The following TBC1D8 variants were observed in gnomAD, a reference collection of about 807,000 sequenced individuals.
The protein encoded by TBC1D8 is TBC1 domain family member 8, also known as BUB2-like protein 1.
Under a neutral mutation model 118.8 loss-of-function variants are expected in TBC1D8, and 65 were observed. The ratio of observed to expected loss-of-function variants is 0.55; its 90% confidence interval spans 0.45 to 0.67. TBC1D8 has a LOEUF of 0.67. Ranked by LOEUF, TBC1D8 falls within the 30% of genes least tolerant of loss-of-function variation. The pLI is 0.00. For synonymous variants in TBC1D8, 566 were observed against 595.8 expected (o/e 0.95, Z 0.73); for missense variants, 1,376 against 1,471.2 (o/e 0.94, Z 1.06).
chr2:101,095,396 C>T lies in TBC1D8; in HGVS notation c.128-5032G>A, dbSNP rs185772518. On this transcript the variant is annotated intron_variant, in intron 1 of 19. Coordinates refer to ENST00000409318, the MANE Select transcript of TBC1D8 (RefSeq NM_001330348.2). ...AGGTATATCTCCTAATGCTATCTCC[C>T]CCCCCCTCCCCCCACCCCACAACAG... Among the ~76,000 whole-genome samples, 1,318 of 135,778 alleles carry T rather than the reference C, an allele frequency of 9.7e-3. 30 individuals carry two copies. The highest frequency in any genetic ancestry group is 0.034 in the African/African-American group (1,246 of 36,844). The allele number at this position is 135,778 out of a possible 152,430, so 89.1% of individuals were successfully genotyped here.
chr2:101,095,843 CT>C (rs1676384076), intron 1 of TBC1D8, among the ~76,000 whole-genome samples: 1 of 152,112 alleles, frequency 6.6e-6, no homozygotes, highest in Non-Finnish European at 1.5e-5. Context: ...CTCCATCTAG[CT>C]TTCTTGTCTC....
At chr2:101,073,299 T>A (rs1043702066) in intron 2 of TBC1D8, among the ~76,000 whole-genome samples, 8 of 124,284 alleles carry the variant, frequency 6.4e-5, no homozygotes, top group African/African-American at 2.6e-4. Context: ...TTATTTTATT[T>A]ATTTTTTTTT....
chr2:101,032,573 C>T, intron 10 of TBC1D8, 188 bp from the exon 11 acceptor site: 1 of 536,100 alleles, frequency 1.9e-6, no homozygotes, highest in Non-Finnish European at 3.4e-6. Context: ...ACAGGACACG[C>T]CCAGCTGAGC....
At chr2:101,076,708 T>C (rs1295600575) in intron 2 of TBC1D8, among the ~76,000 whole-genome samples, 1 of 152,204 alleles carries the variant, frequency 6.6e-6, no homozygotes, top group African/African-American at 2.4e-5. Context: ...GCAAAAATTA[T>C]AACTGAGAAA....
At chr2:101,037,393 C>T (rs1043202400) in intron 8 of TBC1D8, 139 bp downstream of exon 8, 74 of 1,251,966 alleles carry the variant, frequency 5.9e-5, no homozygotes, top group Non-Finnish European at 7.3e-5. Context: ...CACTTTTCAC[C>T]CATGAGAACA....
At chr2:101,078,732 G>T in intron 2 of TBC1D8, among the ~76,000 whole-genome samples, 1 of 46,190 alleles carries the variant, frequency 2.2e-5, no homozygotes. Flanking sequence ...AAAAAGGAAA[G>T]AAAAGAAAAA....
intron 2 of TBC1D8, among the ~76,000 whole-genome samples, chr2:101,084,499 C>T (rs1160650767): frequency 6.6e-6 from 1 of 152,064 alleles, no homozygotes; most frequent in African/African-American, 2.4e-5. Context: ...TGCAGTAAGC[C>T]GAGATCGCAT....
chr2:101,038,649 T>C lies in TBC1D8; in HGVS notation c.1087A>G (p.Ser363Gly). The part of the protein sequence containing the change: ...KIILPLREVV[S>G]IEKMEDTSLL... ...CTCGTGTCCTCCATCTTCTCGATGC[T>C]CACCACCTGCGCGAGAGGCAACATG... The change falls in exon 7 of 20, where the codon AGC becomes GGC. Residue 363 changes from serine to glycine, a missense_variant. Ser to Gly is a moderately conservative substitution (Grantham distance 56). Coordinates refer to ENST00000409318, the MANE Select transcript of TBC1D8 (RefSeq NM_001330348.2). 7.4e-6 allele frequency: 12 copies of C among 1,613,790 alleles called. No individual in the cohort carries two copies. The highest frequency in any genetic ancestry group is 1.0e-5 in the Non-Finnish European group (12 of 1,179,922).
At chr2:101,142,851 AG>A (rs1313699984) in intron 1 of TBC1D8, among the ~76,000 whole-genome samples, 2 of 152,138 alleles carry the variant, frequency 1.3e-5, no homozygotes, top group African/African-American at 4.8e-5. Context: ...AAAACACAGA[AG>A]GGGTCTCTCA....
At chr2:101,084,062 G>A (rs1357462461) in intron 2 of TBC1D8, among the ~76,000 whole-genome samples, 1 of 152,162 alleles carries the variant, frequency 6.6e-6, no homozygotes, top group Non-Finnish European at 1.5e-5. Context: ...TGCATCTACA[G>A]ACCTGGCCCG....
At chr2:101,069,476 C>G (rs1357912576) in intron 2 of TBC1D8, among the ~76,000 whole-genome samples, 1 of 152,110 alleles carries the variant, frequency 6.6e-6, no homozygotes, top group Non-Finnish European at 1.5e-5. Flanking sequence ...ATCCCAGCTA[C>G]TCAGGAGGCT....
At chr2:101,053,081 C>T (rs940288021) in intron 4 of TBC1D8, among the ~76,000 whole-genome samples, 1 of 152,116 alleles carries the variant, frequency 6.6e-6, no homozygotes, top group Non-Finnish European at 1.5e-5. Flanking sequence ...TGGGACCCAG[C>T]ATAAAAATGC....
In TBC1D8 at chr2:101,024,729, A is replaced by T. The variant is rs559935594; in HGVS notation, c.2521-2208T>A. Among the ~76,000 whole-genome samples, 84 of 152,234 alleles carry T rather than the reference A, an allele frequency of 5.5e-4. 1 individual carries two copies. The highest frequency in any genetic ancestry group is 1.9e-3 in the African/African-American group (79 of 41,532). ...GCCAGAACTGTAATTTGAAAAAATT[A>T]AAAAAGCTTTAGCAGTATTGACTAA... On this transcript the variant is annotated intron_variant, in intron 15 of 19. Coordinates refer to ENST00000409318, the MANE Select transcript of TBC1D8 (RefSeq NM_001330348.2).
intron 1 of TBC1D8, among the ~76,000 whole-genome samples, chr2:101,122,491 T>A (rs1381823426): frequency 1.3e-5 from 2 of 151,736 alleles, no homozygotes; most frequent in African/African-American, 2.4e-5. Flanking sequence ...ATTTTTCCAA[T>A]TTCCTACAAT....
Position 101,008,274 on chromosome 2 carries a change from CTG to C in TBC1D8, c.3016-3_3016-2del. On this transcript the variant is annotated splice_acceptor_variant and splice_polypyrimidine_tract_variant and intron_variant, in intron 19 of 19. Coordinates refer to ENST00000409318, the MANE Select transcript of TBC1D8 (RefSeq NM_001330348.2). LOFTEE classifies it high-confidence loss of function. ...TTTTACAGAACTGGATAAATTCTCT[CTG>C]AAATTGAAATAAGTCTTAGGTAGCA... 1 of 1,517,784 alleles carries C rather than the reference CTG, an allele frequency of 6.6e-7. No individual in the cohort carries two copies. Among genetic ancestry groups the C allele is most frequent in the Non-Finnish European group, 8.8e-7 (1 of 1,134,228 alleles). 94.0% of individuals were successfully genotyped at this position (1,517,784 alleles called of 1,614,324 possible). A position where few individuals can be genotyped will look rare whatever the true frequency, so the allele number is the denominator to read the frequency against.
intron 2 of TBC1D8, among the ~76,000 whole-genome samples, chr2:101,064,821 C>T (rs1239104208): frequency 6.6e-6 from 1 of 152,100 alleles, no homozygotes; most frequent in Non-Finnish European, 1.5e-5. Context: ...GAATTTTGTT[C>T]CATATACCAT....
chr2:101,008,381 A>G (rs1678908814), intron 19 of TBC1D8, 108 bp from the exon 20 acceptor site: 1 of 878,074 alleles, frequency 1.1e-6, no homozygotes. Flanking sequence ...ATTTTTGAAG[A>G]CACAGAATAT....
intron 2 of TBC1D8, among the ~76,000 whole-genome samples, chr2:101,083,221 C>T (rs529732860): frequency 8.5e-5 from 13 of 152,288 alleles, no homozygotes; most frequent in African/African-American, 1.7e-4. Context: ...ATTGATGACA[C>T]GTCAAGCTCT....
chr2:101,146,405 T>C (rs193223909), intron 1 of TBC1D8, among the ~76,000 whole-genome samples: 84 of 152,360 alleles, frequency 5.5e-4, no homozygotes, highest in Non-Finnish European at 8.8e-4. Flanking sequence ...GGTAACCATG[T>C]TGCAAAGCAG....
Sources: allele counts gnomAD v4.1 joint callset (sites outside exome capture counted in the v4.1 genomes callset), GRCh38; gene constraint gnomAD v4.1.1; transcripts MANE v1.5; gene names NCBI Gene and HGNC (gene_info 2026-07-23, HGNC 2026-07-21).